Variants in ATP2C1 observed in about 807,000 individuals in gnomAD.
ATP2C1 encodes the protein calcium-transporting ATPase type 2C member 1.
A neutral mutation model predicts 120.5 loss-of-function variants in ATP2C1; 31 were observed. That is an observed-to-expected ratio of 0.26 (90% CI 0.19 to 0.35). The LOEUF (loss-of-function observed/expected upper bound fraction) is 0.35, where lower values mean the gene tolerates loss of function less well. Among genes scored for constraint, ATP2C1 ranks in the 10% least tolerant of loss-of-function variants. The pLI is 1.00. For synonymous variants in ATP2C1, 351 were observed against 358.7 expected (o/e 0.98, Z 0.24); for missense variants, 731 against 1,107.5 (o/e 0.66, Z 4.83).
chr3:130,903,417 T>C (rs1306158469), intron 2 of ATP2C1, among the ~76,000 whole-genome samples: 1 of 152,028 alleles, frequency 6.6e-6, no homozygotes, highest in African/African-American at 2.4e-5. Context: ...CTCCCCATTG[T>C]ACCTGTAGTT....
chr3:130,856,260 A>C (rs2067837463), intron 1 of ATP2C1: 1 of 152,152 alleles, frequency 6.6e-6, no homozygotes, highest in South Asian at 2.1e-4. Flanking sequence ...TCAAAGTTGC[A>C]CTGTTAAATA....
chr3:130,989,944 G>A (rs1320851176), intron 20 of ATP2C1, among the ~76,000 whole-genome samples: 2 of 152,136 alleles, frequency 1.3e-5, no homozygotes, highest in African/African-American at 4.8e-5. Context: ...AAGAGTTTCT[G>A]AATGGATTTT....
chr3:130,895,035 TGA>T (rs1380412047), intron 2 of ATP2C1, among the ~76,000 whole-genome samples: 1 of 152,096 alleles, frequency 6.6e-6, no homozygotes, highest in Non-Finnish European at 1.5e-5. Flanking sequence ...GCTTAGGGAA[TGA>T]GAGGGAAGTT....
At chr3:131,006,320 C>T (rs1439085049), downstream of ATP2C1, among the ~76,000 whole-genome samples, 2 of 152,196 alleles carry the variant, frequency 1.3e-5, no homozygotes, top group Admixed American at 6.5e-5. Context: ...CCATGTTGGT[C>T]AGGCTGGTCT....
At chr3:130,989,304 C>T (rs943697113) in intron 20 of ATP2C1, among the ~76,000 whole-genome samples, 1 of 149,180 alleles carries the variant, frequency 6.7e-6, no homozygotes, top group African/African-American at 2.5e-5. Flanking sequence ...TGTGGTGGCT[C>T]ATGCCTGTAA....
At chr3:131,014,160 C>T (rs113765391) in intron 26 of ATP2C1, 2 of 1,613,758 alleles carry the variant, frequency 1.2e-6, no homozygotes, top group African/African-American at 1.3e-5. Flanking sequence ...TGCAGTGGTT[C>T]TCCCTCTGTT....
At chr3:131,004,487 A>G (rs758315501), downstream of ATP2C1, among the ~76,000 whole-genome samples, 3 of 152,246 alleles carry the variant, frequency 2.0e-5, no homozygotes, top group Non-Finnish European at 2.9e-5. Context: ...TGTAGATACA[A>G]TTGTCCATAA....
chr3:130,933,289 C>A (rs920671500), intron 4 of ATP2C1, among the ~76,000 whole-genome samples: 14 of 152,132 alleles, frequency 9.2e-5, no homozygotes, highest in Admixed American at 7.9e-4. Context: ...CTGCAGCCTG[C>A]CATCCATCAA....
At chr3:130,930,153 A>T in intron 2 of ATP2C1, 1 of 446,678 alleles carries the variant, frequency 2.2e-6, no homozygotes, top group Non-Finnish European at 4.1e-6. Context: ...GTTGGTGGAG[A>T]AATAGCGTGC....
intron 2 of ATP2C1, among the ~76,000 whole-genome samples, chr3:130,928,529 C>T (rs2059317119): frequency 6.6e-6 from 1 of 152,126 alleles, no homozygotes; most frequent in African/African-American, 2.4e-5. Flanking sequence ...CTAGAGTTAG[C>T]AATTTCCAAT....
At position 130,902,014 on chromosome 3, in the gene ATP2C1, A is replaced by C. The variant is rs1238896314; in HGVS notation, c.6+7239A>C. 5.9e-5 allele frequency among the ~76,000 whole-genome samples: 9 copies of C among 152,004 alleles called. No individual in the cohort carries two copies. The East Asian group carries it at 1.5e-3, about 26-fold the overall frequency. On this transcript the variant is annotated intron_variant, in intron 2 of 27. Transcript: ENST00000510168. ...TTCTACCTCCCCCCGCCACCCTCAA[A>C]ATTTTTTAGCCCCAGATGTCAATGG...
chr3:130,999,527 G>T lies in ATP2C1; in HGVS notation c.2497G>T (p.Val833Leu). The change falls in exon 27 of 28, where the codon GTG becomes TTG. Residue 833 changes from valine to leucine, a missense_variant. Transcript: ENST00000510168. ...ALSSRSQTKS[V>L]FEIGLCSNRM... ...TCTGCTCTGCCAACAGACCAAGTCT[G>T]TGTTTGAGATTGGACTCTGCAGTAA... 6.2e-7 allele frequency: 1 copy of T among 1,613,700 alleles called. No homozygotes were observed. Among genetic ancestry groups the T allele is most frequent in the Non-Finnish European group, 8.5e-7 (1 of 1,179,752 alleles).
chr3:130,904,944 C>T lies in ATP2C1; in HGVS notation c.6+10169C>T, dbSNP rs528243548. ...CAGTAATTGTTGCTCAAGTCATTCTCGCTTTGGTTATTGAGGGCACTTGAA... is the reference window on the plus strand; with the variant it reads ...CAGTAATTGTTGCTCAAGTCATTCTTGCTTTGGTTATTGAGGGCACTTGAA... On this transcript the variant is annotated intron_variant, in intron 2 of 27. Coordinates refer to ENST00000510168, the MANE Select transcript of ATP2C1 (RefSeq NM_001378687.1). Among the ~76,000 whole-genome samples the T allele has an allele frequency of 4.6e-5, 7 of 152,156 alleles. No homozygotes were observed. In the South Asian group the frequency reaches 8.3e-4, roughly 18 times the overall value.
At chr3:130,977,196 T>C (rs370625265) in intron 18 of ATP2C1, among the ~76,000 whole-genome samples, 2 of 152,182 alleles carry the variant, frequency 1.3e-5, no homozygotes, top group Admixed American at 6.5e-5. Flanking sequence ...GCAGCTCCAC[T>C]GAGACAATCC....
intron 22 of ATP2C1, among the ~76,000 whole-genome samples, chr3:130,994,419 G>A (rs2062503618): frequency 6.6e-6 from 1 of 152,286 alleles, no homozygotes; most frequent in Non-Finnish European, 1.5e-5. Flanking sequence ...ATATGCATAT[G>A]TATGGCTCTT....
rs1369998804 is a variant in ATP2C1 at position 130,997,545 on chromosome 3, G to C, written c.2244-61G>C. 18 of 1,522,410 alleles carry C rather than the reference G, an allele frequency of 1.2e-5. No individual in the cohort carries two copies. The Admixed American group carries it at 2.7e-4, about 23-fold the overall frequency. 94.3% of individuals were successfully genotyped at this position (1,522,410 alleles called of 1,614,324 possible). ...GAATAATTGAGGTTAGTGAGGTTGT[G>C]AAAGTAACAAATCCAGACCTTAAAA... On this transcript the variant is annotated intron_variant, in intron 24 of 27. Transcript: ENST00000510168.
At chr3:131,010,559 ACT>A (rs2063283286) in intron 26 of ATP2C1, among the ~76,000 whole-genome samples, 2 of 151,728 alleles carry the variant, frequency 1.3e-5, no homozygotes, top group South Asian at 4.2e-4. Flanking sequence ...ACTACAGAAA[ACT>A]CTCTGAACAT....
intron 2 of ATP2C1, chr3:130,918,270 G>A (rs907188694): frequency 6.5e-7 from 1 of 1,542,208 alleles, no homozygotes; most frequent in African/African-American, 1.4e-5. Flanking sequence ...AATCCCTTGG[G>A]CCCAAAGTTC....
In ATP2C1 at chr3:130,963,519, T is replaced by G. The variant is rs1221075386; in HGVS notation, c.900-452T>G. 2.0e-5 allele frequency: 4 copies of G among 196,490 alleles called. No individual in the cohort carries two copies. In the South Asian group the frequency reaches 2.8e-4, roughly 14 times the overall value. 12.2% of individuals were successfully genotyped at this position (196,490 alleles called of 1,614,324 possible). ...TTTTTGTGGCTAAAGTAATACTCCA[T>G]TGCATGGATGTCACAATTTTACATT... On this transcript the variant is annotated intron_variant, in intron 12 of 27. Coordinates refer to ENST00000510168, the MANE Select transcript of ATP2C1 (RefSeq NM_001378687.1).
Sources: gnomAD v4.1 joint callset for allele counts (sites outside exome capture counted in the v4.1 genomes callset) on GRCh38, gnomAD v4.1.1 for gene constraint, MANE v1.5 for transcripts, NCBI Gene and HGNC (gene_info 2026-07-23, HGNC 2026-07-21) for gene names.